The following ADGRG6 variants were observed in gnomAD, a reference collection of about 807,000 sequenced individuals.
ADGRG6 encodes adhesion G protein-coupled receptor G6.
In ADGRG6, 84 loss-of-function variants were observed where a neutral mutation model predicts 142.4. That is an observed-to-expected ratio of 0.59 (90% CI 0.49 to 0.71). The LOEUF is 0.71. ADGRG6 is among the 30% of genes least tolerant of loss of function. The pLI is 0.00. For missense variants in ADGRG6, 1,367 were observed against 1,466.6 expected (o/e 0.93, Z 1.11); for synonymous variants, 521 against 520.5 (o/e 1.00, Z -0.01).
chr6:142,305,787 T>C (rs912883772), intron 1 of ADGRG6, among the ~76,000 whole-genome samples: 2 of 152,172 alleles, frequency 1.3e-5, no homozygotes, highest in South Asian at 2.1e-4. Context: ...CAGTTATGCA[T>C]GTTACTGTTC....
chr6:142,373,881 C>CTTTTTTTTTTTTTTTTTTTTTTTT (rs769498618), intron 4 of ADGRG6, among the ~76,000 whole-genome samples: 1 of 93,870 alleles, frequency 1.1e-5, no homozygotes, highest in Non-Finnish European at 2.2e-5. Flanking sequence ...TTTTTCTTTT[C>CTTTTTTTTTTTTTTTTTTTTTTTT]TTTTTTTTTT....
chr6:142,358,143 G>T (rs894271795), intron 2 of ADGRG6, among the ~76,000 whole-genome samples: 1 of 152,132 alleles, frequency 6.6e-6, no homozygotes, highest in African/African-American at 2.4e-5. Context: ...TACTTATGTT[G>T]GTAGTGTTTA....
At chr6:142,313,912 T>G (rs974636580) in intron 2 of ADGRG6, among the ~76,000 whole-genome samples, 2 of 152,180 alleles carry the variant, frequency 1.3e-5, no homozygotes, top group Admixed American at 6.6e-5. Flanking sequence ...TATTGTGTAT[T>G]GAAAATTACT....
At chr6:142,421,250 A>G (rs376499853) in intron 22 of ADGRG6, among the ~76,000 whole-genome samples, 18 of 152,302 alleles carry the variant, frequency 1.2e-4, no homozygotes, top group African/African-American at 4.3e-4. Flanking sequence ...CTAGATGGAG[A>G]AAGAGGCTTT....
chr6:142,316,998 A>G (rs549452037), intron 2 of ADGRG6, among the ~76,000 whole-genome samples: 111 of 152,222 alleles, frequency 7.3e-4, no homozygotes, highest in African/African-American at 2.6e-3. Context: ...CTGAAAATCT[A>G]TTACTTGTAG....
At chr6:142,360,418 G>GTGCTGAACAT (rs1562336841) in intron 2 of ADGRG6, among the ~76,000 whole-genome samples, 1 of 152,170 alleles carries the variant, frequency 6.6e-6, no homozygotes, top group African/African-American at 2.4e-5. Context: ...AGCTCTATTA[G>GTGCTGAACAT]AGTACTGGCT....
intron 11 of ADGRG6, among the ~76,000 whole-genome samples, chr6:142,401,670 A>T (rs2115015498): frequency 6.6e-6 from 1 of 152,308 alleles, no homozygotes; most frequent in East Asian, 1.9e-4. Flanking sequence ...GAAATAGTGC[A>T]AATGGAGAAA....
At chr6:142,387,556 C>G (rs980176180) in intron 6 of ADGRG6, among the ~76,000 whole-genome samples, 2 of 152,196 alleles carry the variant, frequency 1.3e-5, no homozygotes, top group Non-Finnish European at 2.9e-5. Flanking sequence ...TGCCTCATCA[C>G]TAGTTCAAAG....
At chr6:142,313,188 C>A (rs1777854060) in intron 2 of ADGRG6, among the ~76,000 whole-genome samples, 1 of 151,840 alleles carries the variant, frequency 6.6e-6, no homozygotes, top group South Asian at 2.1e-4. Flanking sequence ...TTAAAAAAAG[C>A]CACATAAAAA....
intron 2 of ADGRG6, among the ~76,000 whole-genome samples, chr6:142,341,882 T>C (rs1014513110): frequency 1.3e-5 from 2 of 151,592 alleles, no homozygotes; most frequent in East Asian, 3.9e-4. Flanking sequence ...ACCAAATTTT[T>C]AAAAAAACTT....
chr6:142,370,783 C>A lies in ADGRG6; in HGVS notation c.1059C>A (p.Asn353Lys). 6.2e-7 allele frequency: 1 copy of A among 1,612,548 alleles called. No individual in the cohort carries two copies. The highest frequency in any genetic ancestry group is 8.5e-7 in the Non-Finnish European group (1 of 1,179,108). Reference sequence around the variant, plus strand: ...ACCTAGCTCTGAAAGCTGAAAGCAACCTAAGCTGTGGTGAGTTTGTAGCGT... The same window carrying A: ...ACCTAGCTCTGAAAGCTGAAAGCAAACTAAGCTGTGGTGAGTTTGTAGCGT... ...IPNLALKAES[N>K]LSCGSYLIPL... Residue 353 changes from asparagine (N) to lysine (K), a missense_variant, in exon 4 of 25, where the codon AAC becomes AAA. Around this residue, in one of 3 missense-constraint regions of ADGRG6, gnomAD observed 737 missense variants for 746.5 expected, o/e 0.99. Coordinates refer to ENST00000367609, the MANE Select transcript of ADGRG6 (RefSeq NM_198569.3).
chr6:142,302,514 C>T, intron 1 of ADGRG6, 183 bp downstream of exon 1: 1 of 581,312 alleles, frequency 1.7e-6, no homozygotes, highest in African/African-American at 1.9e-5. Context: ...AGGACTATTG[C>T]CAAGTGGAGT....
chr6:142,367,717 C>A lies in ADGRG6; in HGVS notation c.252C>A (p.Asn84Lys). 3 of 1,613,836 alleles carry A rather than the reference C, an allele frequency of 1.9e-6. 1 individual carries two copies. Among genetic ancestry groups the A allele is most frequent in the Middle Eastern group, 1.6e-4 (1 of 6,062 alleles). ...GTTATATCATTCAGATAACATTTAA[C>A]GACTTTGACATTGAAGAAGCTCCCA... ...PTGYIIQITF[N>K]DFDIEEAPNC... Residue 84 changes from asparagine (N) to lysine (K), a missense_variant, in exon 3 of 25, where the codon AAC becomes AAA. This residue lies in a region of ADGRG6 where 737 missense variants were observed against 746.5 expected (regional missense o/e 0.99). Transcript: ENST00000367609.
chr6:142,338,205 A>G lies in ADGRG6; in HGVS notation c.103+28561A>G, dbSNP rs1779442468. Reference sequence around the variant, plus strand: ...CCGGCTAACTTTTTGTATTTTTAGTAGAGATGGGGTTTCACCGTGGTCTCG... The same window carrying G: ...CCGGCTAACTTTTTGTATTTTTAGTGGAGATGGGGTTTCACCGTGGTCTCG... On this transcript the variant is annotated intron_variant, in intron 2 of 24. Coordinates refer to ENST00000367609, the MANE Select transcript of ADGRG6 (RefSeq NM_198569.3). 2.0e-5 allele frequency among the ~76,000 whole-genome samples: 3 copies of G among 150,616 alleles called. No individual in the cohort carries two copies. In the South Asian group the frequency reaches 6.3e-4, roughly 31 times the overall value.
chr6:142,361,149 C>T (rs191727466), intron 2 of ADGRG6, among the ~76,000 whole-genome samples: 10 of 152,250 alleles, frequency 6.6e-5, no homozygotes, highest in Non-Finnish European at 1.3e-4. Context: ...TCAGGTCAGG[C>T]GTTTACTCCT....
chr6:142,443,096 G>A (rs1777836452), intron 24 of ADGRG6, among the ~76,000 whole-genome samples: 1 of 151,968 alleles, frequency 6.6e-6, no homozygotes, highest in Admixed American at 6.6e-5. Context: ...AGAATATTTC[G>A]TATGGTAAGC....
intron 12 of ADGRG6, among the ~76,000 whole-genome samples, chr6:142,402,300 T>C (rs9496367): frequency 0.017 from 2,546 of 152,258 alleles, 79 homozygotes; most frequent in African/African-American, 0.057. Flanking sequence ...TAAATTGATA[T>C]TTGTATCAAT....
chr6:142,346,590 G>A (rs901242232), intron 2 of ADGRG6, among the ~76,000 whole-genome samples: 4 of 151,940 alleles, frequency 2.6e-5, no homozygotes, highest in African/African-American at 9.7e-5. Context: ...GTTTATTGCA[G>A]TACTATTCAC....
intron 2 of ADGRG6, among the ~76,000 whole-genome samples, chr6:142,329,638 A>G (rs1304066730): frequency 2.6e-5 from 4 of 152,124 alleles, no homozygotes; most frequent in African/African-American, 9.7e-5. Context: ...TTGTAGAAAA[A>G]GCTCCCATCA....
Sources: gnomAD v4.1 joint callset for allele counts (sites outside exome capture counted in the v4.1 genomes callset) on GRCh38, gnomAD v4.1.1 for gene constraint, gnomAD v4.1.1 regional missense constraint, MANE v1.5 for transcripts, NCBI Gene and HGNC (gene_info 2026-07-23, HGNC 2026-07-21) for gene names.